The following BRINP3 variants were observed in gnomAD, a reference collection of about 807,000 sequenced individuals.
The protein encoded by BRINP3 is BMP/retinoic acid inducible neural specific 3.
Under a neutral mutation model 71.0 loss-of-function variants are expected in BRINP3, and 19 were observed. The observed-to-expected ratio is 0.27, with a 90% CI of 0.19 to 0.39. BRINP3 has a LOEUF of 0.39. Ranked by LOEUF, BRINP3 falls within the 10% of genes least tolerant of loss-of-function variation. The probability of loss-of-function intolerance (pLI) is 1.00; values close to 1 mark genes in which losing one functional copy is unlikely to be tolerated. For missense variants in BRINP3, 959 were observed against 940.8 expected, an observed-to-expected ratio of 1.02 and a Z score of -0.25; for synonymous variants, 380 against 337.7, an observed-to-expected ratio of 1.13 and a Z score of -1.37.
At chr1:190,117,873 C>A (rs1422113655) in intron 7 of BRINP3, among the ~76,000 whole-genome samples, 1 of 151,972 alleles carries the variant, frequency 6.6e-6, no homozygotes, top group Non-Finnish European at 1.5e-5. Flanking sequence ...TTTTTCTCCT[C>A]ATGCCATTGA....
chr1:190,418,905 A>G lies in BRINP3; in HGVS notation c.236+35750T>C, dbSNP rs181107262. Among the ~76,000 whole-genome samples the G allele has an allele frequency of 1.1e-4, 16 of 152,246 alleles. No homozygotes were observed. In the East Asian group the frequency reaches 3.1e-3, roughly 29 times the overall value. On this transcript the variant is annotated intron_variant, in intron 2 of 7. Coordinates refer to ENST00000367462, the MANE Select transcript of BRINP3 (RefSeq NM_199051.3). ...AATGTACGATGGATTTTTATTAAAA[A>G]TATTCCTCTGAGCTTTTATATTTAC...
intron 2 of BRINP3, among the ~76,000 whole-genome samples, chr1:190,317,523 T>G (rs1571730495): frequency 6.6e-6 from 1 of 152,192 alleles, no homozygotes; most frequent in Non-Finnish European, 1.5e-5. Flanking sequence ...ATGTTGCACA[T>G]TATGCTTGAG....
chr1:190,288,841 C>T (rs1663635321), intron 2 of BRINP3, among the ~76,000 whole-genome samples: 1 of 151,868 alleles, frequency 6.6e-6, no homozygotes. Flanking sequence ...ATATGCACCA[C>T]ACCAGTGTTG....
At chr1:190,214,873 G>A (rs1409728181) in intron 6 of BRINP3, among the ~76,000 whole-genome samples, 1 of 151,814 alleles carries the variant, frequency 6.6e-6, no homozygotes, top group East Asian at 1.9e-4. Context: ...TGACTTAACA[G>A]TGAAGGACAT....
intron 2 of BRINP3, among the ~76,000 whole-genome samples, chr1:190,324,057 T>C (rs920847754): frequency 1.3e-5 from 2 of 151,950 alleles, no homozygotes; most frequent in African/African-American, 4.8e-5. Context: ...AAAACTGTTT[T>C]AAACCTGTTT....
In BRINP3 at chr1:190,136,091, G is replaced by C. The variant is rs1454585964; in HGVS notation, c.1184+24577C>G. On this transcript the variant is annotated intron_variant, in intron 7 of 7. Transcript: ENST00000367462. ...CCCCATAACAAGAGGCACATGCCCT[G>C]GTTTCCTATTTTGTTAAAGATAAAA... is the stretch of plus-strand genomic sequence containing the variant. 2.0e-5 allele frequency among the ~76,000 whole-genome samples: 3 copies of C among 151,968 alleles called. No individual in the cohort carries two copies. In the East Asian group the frequency reaches 5.8e-4, roughly 29 times the overall value.
intron 6 of BRINP3, among the ~76,000 whole-genome samples, chr1:190,186,028 T>C (rs1009676588): frequency 6.6e-6 from 1 of 152,122 alleles, no homozygotes; most frequent in East Asian, 1.9e-4. Context: ...GTGTATCCCA[T>C]AAATATATAC....
chr1:190,389,711 C>A (rs1671131142), intron 2 of BRINP3, among the ~76,000 whole-genome samples: 1 of 151,726 alleles, frequency 6.6e-6, no homozygotes, highest in Non-Finnish European at 1.5e-5. Context: ...TTAATAAGTC[C>A]TCAATAAATG....
chr1:190,148,352 T>C (rs1216816557), intron 7 of BRINP3, among the ~76,000 whole-genome samples: 1 of 151,802 alleles, frequency 6.6e-6, no homozygotes, highest in Non-Finnish European at 1.5e-5. Context: ...CCCAACACTT[T>C]GGGAGGCCGA....
At chr1:190,123,022 C>A (rs1244698398) in intron 7 of BRINP3, among the ~76,000 whole-genome samples, 1 of 152,072 alleles carries the variant, frequency 6.6e-6, no homozygotes, top group African/African-American at 2.4e-5. Flanking sequence ...CTTTCTAACA[C>A]ATTATTCTTG....
intron 3 of BRINP3, among the ~76,000 whole-genome samples, chr1:190,269,661 TA>T (rs1661941594): frequency 1.3e-5 from 2 of 152,028 alleles, no homozygotes; most frequent in African/African-American, 4.8e-5. Context: ...ATATTCAATC[TA>T]AGTCATAGCA....
intron 6 of BRINP3, among the ~76,000 whole-genome samples, chr1:190,208,033 C>T (rs979211044): frequency 1.3e-5 from 2 of 152,072 alleles, no homozygotes; most frequent in South Asian, 2.1e-4. Flanking sequence ...CTGCAACCTC[C>T]GCCTCCTGGG....
At chr1:190,209,649 T>C (rs893718583) in intron 6 of BRINP3, among the ~76,000 whole-genome samples, 3 of 152,138 alleles carry the variant, frequency 2.0e-5, no homozygotes, top group Admixed American at 2.0e-4. Context: ...TGCTCAGTAC[T>C]TTAAATCTTT....
intron 7 of BRINP3, among the ~76,000 whole-genome samples, chr1:190,125,943 C>A (rs374482897): frequency 6.6e-6 from 1 of 151,936 alleles, no homozygotes; most frequent in Non-Finnish European, 1.5e-5. Context: ...AGAACCACAG[C>A]TAAAAGGAAA....
At chr1:190,423,836 TTTACA>T (rs1439943473) in intron 2 of BRINP3, among the ~76,000 whole-genome samples, 1 of 151,706 alleles carries the variant, frequency 6.6e-6, no homozygotes, top group African/African-American at 2.4e-5. Flanking sequence ...CAGTTTTTGT[TTTACA>T]TTACATTATT....
At chr1:190,363,792 G>T (rs541790610) in intron 2 of BRINP3, among the ~76,000 whole-genome samples, 1 of 152,256 alleles carries the variant, frequency 6.6e-6, no homozygotes, top group South Asian at 2.1e-4. Flanking sequence ...AAATTCACTG[G>T]TGTGGAGATT....
chr1:190,262,192 C>T (rs1305539744), intron 4 of BRINP3, among the ~76,000 whole-genome samples: 1 of 152,148 alleles, frequency 6.6e-6, no homozygotes, highest in East Asian at 1.9e-4. Flanking sequence ...TGCTTGAACA[C>T]AGCACACAAG....
In BRINP3 at chr1:190,471,986, C is replaced by T. The variant is rs1172895097; in HGVS notation, c.-51+5462G>A. ...TCATTTGACACCATAACACCACTGA[C>T]CAAGAAGATTTGATACTAGCATTAA... is the stretch of plus-strand genomic sequence containing the variant. On this transcript the variant is annotated intron_variant, in intron 1 of 7. Coordinates refer to ENST00000367462, the MANE Select transcript of BRINP3 (RefSeq NM_199051.3). 2.6e-5 allele frequency among the ~76,000 whole-genome samples: 4 copies of T among 151,210 alleles called. No individual in the cohort carries two copies. The South Asian group carries it at 6.2e-4, about 24-fold the overall frequency.
chr1:190,190,586 C>G (rs1334952776), intron 6 of BRINP3, among the ~76,000 whole-genome samples: 1 of 152,062 alleles, frequency 6.6e-6, no homozygotes, highest in Non-Finnish European at 1.5e-5. Flanking sequence ...AAAAAATACT[C>G]TCCTCACCAA....
Sources: allele counts gnomAD v4.1 joint callset (sites outside exome capture counted in the v4.1 genomes callset), GRCh38; gene constraint gnomAD v4.1.1; transcripts MANE v1.5; gene names NCBI Gene and HGNC (gene_info 2026-07-23, HGNC 2026-07-21).